The following ZSWIM2 variants were observed in gnomAD, a reference collection of about 807,000 sequenced individuals.
ZSWIM2 encodes E3 ubiquitin-protein ligase ZSWIM2.
In ZSWIM2, 38 loss-of-function variants were observed where a neutral mutation model predicts 48.4. The observed-to-expected ratio is 0.79, with a 90% CI of 0.61 to 1.03. The LOEUF (loss-of-function observed/expected upper bound fraction) is 1.03. ZSWIM2 is among the 50% of genes least tolerant of loss of function. ZSWIM2 has a pLI of 0.00. For missense variants in ZSWIM2, 776 were observed against 730.2 expected (o/e 1.06, Z -0.72); for synonymous variants, 240 against 251.3 (o/e 0.96, Z 0.42).
intron 2 of ZSWIM2, among the ~76,000 whole-genome samples, chr2:186,846,810 C>CACATATATATATAT (rs1265650832): frequency 7.0e-6 from 1 of 143,696 alleles, no homozygotes; most frequent in African/African-American, 2.8e-5. Context: ...CACACACACA[C>CACATATATATATAT]ATATATATAT....
At chr2:186,847,859 T>A in intron 1 of ZSWIM2, 64 bp from the exon 2 acceptor site, 1 of 1,196,174 alleles carries the variant, frequency 8.4e-7, no homozygotes. Flanking sequence ...CAAAACTGAG[T>A]TAATAAAAGA....
Position 186,844,758 on chromosome 2 carries a change from C to T in ZSWIM2, c.243-1G>A, listed in dbSNP as rs1442850888. 1.9e-6 allele frequency: 3 copies of T among 1,557,006 alleles called. No individual in the cohort carries two copies. Among genetic ancestry groups the T allele is most frequent in the Non-Finnish European group, 2.6e-6 (3 of 1,157,236 alleles). On this transcript the variant is annotated splice_acceptor_variant, in intron 2 of 8. Coordinates refer to ENST00000295131, the MANE Select transcript of ZSWIM2 (RefSeq NM_182521.3). LOFTEE classifies it high-confidence loss of function. ...AAGCTTGAATTTTTTCAACAAGACC[C>T]TAACATTCACAAGTAGAAAAAAAAT...
Position 186,839,119 on chromosome 2 carries a change from C to A in ZSWIM2, c.334G>T (p.Gly112Trp). The change falls in exon 4 of 9, where the codon GGG (glycine) becomes TGG (tryptophan). Residue 112 changes from glycine to tryptophan, a missense_variant. Transcript: ENST00000295131. ...TGGGGAGTTTGAACTCGATGTATCC[C>A]CCGAAGCAAGTCACTTATCTCTCTT... ...GEREISDLLR[G>W]IHRVQTPQPG... The A allele has an allele frequency of 1.2e-6, 2 of 1,611,466 alleles. No homozygotes were observed. The highest frequency in any genetic ancestry group is 1.7e-6 in the Non-Finnish European group (2 of 1,178,214).
intron 2 of ZSWIM2, among the ~76,000 whole-genome samples, chr2:186,845,058 G>A (rs775448755): frequency 5.3e-5 from 8 of 151,450 alleles, no homozygotes; most frequent in Non-Finnish European, 1.0e-4. Flanking sequence ...AGGATAATGA[G>A]GGGATTTAGG....
Position 186,847,573 on chromosome 2 carries a change from T to C in ZSWIM2, c.242+146A>G, listed in dbSNP as rs755743768. On this transcript the variant is annotated intron_variant, in intron 2 of 8. Transcript: ENST00000295131. Reference sequence around the variant, plus strand: ...ATAAAATGAAATACTGAAAAATTTATTGGTAAGCTATGACCATTTTAACTT... The same window carrying C: ...ATAAAATGAAATACTGAAAAATTTACTGGTAAGCTATGACCATTTTAACTT... 382 of 437,598 alleles carry C rather than the reference T, an allele frequency of 8.7e-4. 1 individual carries two copies. Among genetic ancestry groups the C allele is most frequent in the Non-Finnish European group, 1.3e-3 (318 of 243,640 alleles). 27.1% of individuals were successfully genotyped at this position (437,598 alleles called of 1,614,324 possible).
chr2:186,846,094 C>G (rs1901342), intron 2 of ZSWIM2, among the ~76,000 whole-genome samples: 84,338 of 151,688 alleles, frequency 0.56, 24,732 homozygotes, highest in East Asian at 0.86. Context: ...ATGATCAAGT[C>G]TTCATAAGAA....
chr2:186,845,075 T>C (rs1237566019), intron 2 of ZSWIM2, among the ~76,000 whole-genome samples: 1 of 151,482 alleles, frequency 6.6e-6, no homozygotes, highest in African/African-American at 2.4e-5. Flanking sequence ...TAGGTTTTTA[T>C]GGTACTGCCT....
At chr2:186,835,911 G>A (rs1441346879) in intron 5 of ZSWIM2, among the ~76,000 whole-genome samples, 1 of 152,070 alleles carries the variant, frequency 6.6e-6, no homozygotes, top group Non-Finnish European at 1.5e-5. Context: ...TTCTCAAAGG[G>A]GAGTGTAGGG....
chr2:186,841,103 C>T (rs1264704102), intron 3 of ZSWIM2, among the ~76,000 whole-genome samples: 3 of 151,374 alleles, frequency 2.0e-5, no homozygotes, highest in Non-Finnish European at 4.4e-5. Context: ...TATGTTATTT[C>T]TTTTGTATTT....
intron 5 of ZSWIM2, among the ~76,000 whole-genome samples, chr2:186,835,586 T>A (rs547700227): frequency 6.6e-6 from 1 of 152,178 alleles, no homozygotes; most frequent in East Asian, 1.9e-4. Flanking sequence ...AAGTTAAGCA[T>A]CTCTGTATTT....
In ZSWIM2 at chr2:186,838,217, A is replaced by T. The variant is rs188599077; in HGVS notation, c.495-663T>A. 4.3e-4 allele frequency among the ~76,000 whole-genome samples: 63 copies of T among 147,670 alleles called. No homozygotes were observed. In the East Asian group the frequency reaches 8.1e-3, roughly 19 times the overall value. On this transcript the variant is annotated intron_variant, in intron 4 of 8. Transcript: ENST00000295131. ...CATTAGACTCTCAATAAAGATTTAA[A>T]GTATAATAAAAAAATTAAAAATAAA...
At position 186,827,559 on chromosome 2, in the gene ZSWIM2, T is replaced by TC. The variant is rs1691619437; in HGVS notation, c.*424_*425insG. Among the ~76,000 whole-genome samples, 1 of 151,840 alleles carries TC rather than the reference T, an allele frequency of 6.6e-6. No individual in the cohort carries two copies. Among genetic ancestry groups the TC allele is most frequent in the Non-Finnish European group, 1.5e-5 (1 of 67,910 alleles). On this transcript the variant is annotated 3_prime_UTR_variant, in exon 9 of 9. Coordinates refer to ENST00000295131, the MANE Select transcript of ZSWIM2 (RefSeq NM_182521.3). The stretch of plus-strand genomic sequence containing the variant: ...CTTTATGGAGTTTTTTAAGGTTTTT[T>TC]TTTATAGGTTTGTGGTAATTACTAG...
rs1393642861 is a variant in ZSWIM2 at position 186,837,309 on chromosome 2, T to C, written c.740A>G (p.Tyr247Cys). 1.2e-6 allele frequency: 2 copies of C among 1,612,350 alleles called. No homozygotes were observed. Among genetic ancestry groups the C allele is most frequent in the Non-Finnish European group, 1.7e-6 (2 of 1,178,946 alleles). The change falls in exon 5 of 9, where the codon TAT becomes TGT. Residue 247 changes from tyrosine to cysteine, a missense_variant. Coordinates refer to ENST00000295131, the MANE Select transcript of ZSWIM2 (RefSeq NM_182521.3). ...CKQFPIEGKC[Y>C]KCTECIEYHL... is the part of the protein sequence containing the mutation. ...ATAATTTACGGATAACACTTACTTA[T>C]AACACTTCCCCTCAATTGGAAACTG...
intron 1 of ZSWIM2, 75 bp from the exon 2 acceptor site, chr2:186,847,870 G>A: frequency 9.6e-7 from 1 of 1,044,028 alleles, no homozygotes; most frequent in Non-Finnish European, 1.4e-6. Flanking sequence ...TAATAAAAGA[G>A]ATTTGAAGAG....
chr2:186,834,522 A>G (rs935623335), intron 5 of ZSWIM2, among the ~76,000 whole-genome samples: 5 of 152,086 alleles, frequency 3.3e-5, no homozygotes, highest in African/African-American at 1.2e-4. Context: ...AACTGCGCAC[A>G]TGAGAGATCT....
chr2:186,848,924 C>T (rs983224582), intron 1 of ZSWIM2, 42 bp downstream of exon 1: 2 of 1,610,040 alleles, frequency 1.2e-6, no homozygotes, highest in Non-Finnish European at 1.7e-6. Flanking sequence ...ACCTGGTGGG[C>T]GGGGATGATG....
intron 3 of ZSWIM2, among the ~76,000 whole-genome samples, chr2:186,839,525 T>C (rs1321907528): frequency 6.6e-6 from 1 of 151,728 alleles, no homozygotes; most frequent in Non-Finnish European, 1.5e-5. Context: ...ATAAGAATAT[T>C]AAAATAAATG....
Position 186,829,799 on chromosome 2 carries a change from G to T in ZSWIM2, c.1023C>A (p.Gly341=). Residue 341 remains glycine (G), a synonymous_variant, in exon 8 of 9, where the codon GGC becomes GGA. Coordinates refer to ENST00000295131, the MANE Select transcript of ZSWIM2 (RefSeq NM_182521.3). ...CCTTCAAACAAAGTAGACACTGGTA[G>T]CCTGGAGCAAGCAGCTTACTATTCT... ...ITKNSKLLAP[G]YQCLLCLKAF... is the part of the protein sequence containing the mutation. 1.2e-6 allele frequency: 2 copies of T among 1,613,686 alleles called. No individual in the cohort carries two copies. The highest frequency in any genetic ancestry group is 1.7e-6 in the Non-Finnish European group (2 of 1,179,752).
At chr2:186,835,956 G>A (rs1186628535) in intron 5 of ZSWIM2, among the ~76,000 whole-genome samples, 1 of 152,132 alleles carries the variant, frequency 6.6e-6, no homozygotes, top group African/African-American at 2.4e-5. Context: ...AGTGGGCCAT[G>A]TGTTTACTTA....
Sources: allele counts gnomAD v4.1 joint callset (sites outside exome capture counted in the v4.1 genomes callset), GRCh38; gene constraint gnomAD v4.1.1; transcripts MANE v1.5; gene names NCBI Gene and HGNC (gene_info 2026-07-23, HGNC 2026-07-21).